Variants in VPS41 observed in about 807,000 individuals in gnomAD.
The protein encoded by VPS41 is VPS41 subunit of HOPS complex.
A neutral mutation model predicts 130.9 loss-of-function variants in VPS41; 85 were observed. The observed-to-expected ratio is 0.65, with a 90% CI of 0.55 to 0.78. The LOEUF (loss-of-function observed/expected upper bound fraction) is 0.78. Among genes scored for constraint, VPS41 ranks in the 30% least tolerant of loss-of-function variants. The pLI is 0.00. For missense variants in VPS41, 874 were observed against 1,018.7 expected, an observed-to-expected ratio of 0.86 and a Z score of 1.93; for synonymous variants, 335 against 332.9, an observed-to-expected ratio of 1.01 and a Z score of -0.07.
intron 10 of VPS41, among the ~76,000 whole-genome samples, chr7:38,781,145 T>C (rs541158375): frequency 6.6e-6 from 1 of 152,300 alleles, no homozygotes; most frequent in Non-Finnish European, 1.5e-5. Flanking sequence ...TACACCACGA[T>C]AAAGAGTTCA....
At chr7:38,757,773 ACTT>A (rs1427819460) in intron 18 of VPS41, among the ~76,000 whole-genome samples, 1 of 152,152 alleles carries the variant, frequency 6.6e-6, no homozygotes, top group Non-Finnish European at 1.5e-5. Flanking sequence ...CCTGCAGTAT[ACTT>A]CTTGTTTCCC....
intron 2 of VPS41, among the ~76,000 whole-genome samples, chr7:38,887,140 C>T (rs1786751037): frequency 6.6e-6 from 1 of 152,172 alleles, no homozygotes; most frequent in Non-Finnish European, 1.5e-5. Context: ...GAACACAACT[C>T]CTCGCCAGCA....
Position 38,909,157 on chromosome 7 carries a change from C to G in VPS41, c.18G>C (p.Glu6Asp). 1 of 1,614,248 alleles carries G rather than the reference C, an allele frequency of 6.2e-7. No individual in the cohort carries two copies. The highest frequency in any genetic ancestry group is 1.3e-5 in the African/African-American group (1 of 75,072). ...AACTACCACCTGCACCCTTTACCTGCTCCTCTGCTTCCGCCATGGCGCCAC... is the reference window on the plus strand; with the variant it reads ...AACTACCACCTGCACCCTTTACCTGGTCCTCTGCTTCCGCCATGGCGCCAC... Reference protein sequence around the residue: MAEAEEQETGSLEEST... With the variant: MAEAEDQETGSLEEST... Residue 6 changes from glutamate (E) to aspartate (D), a missense_variant, in exon 1 of 29, where the codon GAG becomes GAC. By Grantham distance (45) the Glu-to-Asp change is conservative. Coordinates refer to ENST00000310301, the MANE Select transcript of VPS41 (RefSeq NM_014396.4).
intron 7 of VPS41, among the ~76,000 whole-genome samples, chr7:38,812,821 A>C (rs1784971440): frequency 6.6e-6 from 1 of 152,186 alleles, no homozygotes; most frequent in Admixed American, 6.5e-5. Flanking sequence ...AGAAAGTCAA[A>C]ACCACAATGA....
intron 1 of VPS41, among the ~76,000 whole-genome samples, chr7:38,901,165 A>AC (rs1279511161): frequency 6.6e-5 from 10 of 152,248 alleles, no homozygotes; most frequent in African/African-American, 2.4e-4. Flanking sequence ...CCACTTATAT[A>AC]ACACAGAAGT....
In VPS41 at chr7:38,745,573, G is replaced by T; in HGVS notation, c.1967C>A (p.Thr656Lys). The T allele has an allele frequency of 6.2e-7, 1 of 1,609,040 alleles. No individual in the cohort carries two copies. The highest frequency in any genetic ancestry group is 8.5e-7 in the Non-Finnish European group (1 of 1,178,450). ...ICQQRNFVEE[T>K]VYLLSRMGNS... ...AAGCTACTTACTCAGAAGATAAACTGTCTCTTCTACAAAGTTTCTCTGTTG... is the reference window on the plus strand; with the variant it reads ...AAGCTACTTACTCAGAAGATAAACTTTCTCTTCTACAAAGTTTCTCTGTTG... Residue 656 changes from threonine (T) to lysine (K), a missense_variant, in exon 23 of 29, where the codon ACA becomes AAA. By Grantham distance (78) the Thr-to-Lys change is moderately conservative (BLOSUM62 -1). Transcript: ENST00000310301.
At chr7:38,791,494 CA>C (rs1350050916) in intron 9 of VPS41, among the ~76,000 whole-genome samples, 2 of 152,136 alleles carry the variant, frequency 1.3e-5, no homozygotes, top group East Asian at 3.9e-4. Flanking sequence ...GGGGGAGACA[CA>C]AAAATAAGGC....
intron 6 of VPS41, among the ~76,000 whole-genome samples, chr7:38,820,853 A>T (rs1311646326): frequency 6.6e-6 from 1 of 152,190 alleles, no homozygotes; most frequent in Non-Finnish European, 1.5e-5. Context: ...ACTGACAAGA[A>T]CAGCTAAAAG....
rs138089178 is a variant in VPS41, at chr7:38,789,882, C to T, written c.718-15G>A. On this transcript the variant is annotated splice_polypyrimidine_tract_variant and intron_variant, in intron 9 of 28. Coordinates refer to ENST00000310301, the MANE Select transcript of VPS41 (RefSeq NM_014396.4). ...ACTGAGCACACCTGGAAAATAAGTT[C>T]GCAGGTTATTTTATTCATTTGATGG... 7,289 of 1,612,766 alleles carry T rather than the reference C, an allele frequency of 4.5e-3. 28 individuals are homozygous for T. The highest frequency in any genetic ancestry group is 5.5e-3 in the Non-Finnish European group (6,513 of 1,179,096).
At chr7:38,853,363 G>A (rs1042647016) in intron 4 of VPS41, among the ~76,000 whole-genome samples, 13 of 144,866 alleles carry the variant, frequency 9.0e-5, no homozygotes, top group African/African-American at 3.4e-4. Context: ...AGCTTGCAGT[G>A]AGCTGAGATT....
chr7:38,881,378 C>A (rs1786602970), intron 2 of VPS41, among the ~76,000 whole-genome samples: 1 of 152,214 alleles, frequency 6.6e-6, no homozygotes, highest in African/African-American at 2.4e-5. Context: ...TAGGATTATA[C>A]TGGCCCTGTC....
At chr7:38,775,005 G>C (rs77287754) in intron 11 of VPS41, among the ~76,000 whole-genome samples, 2 of 152,148 alleles carry the variant, frequency 1.3e-5, no homozygotes, top group African/African-American at 4.8e-5. Context: ...ATGAAAACAG[G>C]GCAATGCAGA....
At chr7:38,772,394 T>C in intron 13 of VPS41, 128 bp downstream of exon 13, 1 of 604,484 alleles carries the variant, frequency 1.7e-6, no homozygotes, top group Non-Finnish European at 2.8e-6. Flanking sequence ...AGTTATTAAC[T>C]TCCTACATAT....
At chr7:38,728,079 T>C (rs1038598919) in intron 27 of VPS41, among the ~76,000 whole-genome samples, 7 of 152,200 alleles carry the variant, frequency 4.6e-5, no homozygotes, top group Non-Finnish European at 8.8e-5. Context: ...ATGCTACCTA[T>C]AAATTTTTTT....
chr7:38,764,482 G>C (rs1301842873), intron 16 of VPS41, among the ~76,000 whole-genome samples: 1 of 152,126 alleles, frequency 6.6e-6, no homozygotes, highest in East Asian at 1.9e-4. Context: ...AGGGAAGTGA[G>C]AGTCCAGACT....
chr7:38,743,216 T>C (rs1265205929), intron 24 of VPS41, among the ~76,000 whole-genome samples, 186 bp downstream of exon 24: 2 of 152,226 alleles, frequency 1.3e-5, no homozygotes, highest in Non-Finnish European at 2.9e-5. Flanking sequence ...TGCAAAGTGA[T>C]GAGGCTCCAG....
chr7:38,752,192 T>A lies in VPS41; in HGVS notation c.1910A>T (p.His637Leu). The stretch of plus-strand genomic sequence containing the variant: ...GTGCCTTACCTTTTCAAGTGGGCAA[T>A]GGGTACTGTCTCGGAGAAAGGGAAG... ...NLLPFLRDST[H>L]CPLEKALEIC... Residue 637 changes from histidine (H) to leucine (L), a missense_variant, in exon 22 of 29, where the codon CAT becomes CTT. Physicochemically the swap from His to Leu is moderately conservative, Grantham distance 99 (BLOSUM62 -3). Transcript: ENST00000310301. 6.2e-7 allele frequency: 1 copy of A among 1,613,876 alleles called. No individual in the cohort carries two copies. The highest frequency in any genetic ancestry group is 1.3e-5 in the African/African-American group (1 of 75,012).
intron 25 of VPS41, among the ~76,000 whole-genome samples, chr7:38,734,992 G>T (rs547208999): frequency 6.6e-6 from 1 of 152,136 alleles, no homozygotes; most frequent in African/African-American, 2.4e-5. Flanking sequence ...AGAGAAATAC[G>T]AAGGGAAAGA....
At chr7:38,878,882 C>T (rs1051255799) in intron 2 of VPS41, among the ~76,000 whole-genome samples, 3 of 152,186 alleles carry the variant, frequency 2.0e-5, no homozygotes, top group East Asian at 1.9e-4. Context: ...CAGGAAACAA[C>T]GCACAGGTGC....
Sources: gnomAD v4.1 joint callset for allele counts (sites outside exome capture counted in the v4.1 genomes callset) on GRCh38, gnomAD v4.1.1 for gene constraint, MANE v1.5 for transcripts, NCBI Gene and HGNC (gene_info 2026-07-23, HGNC 2026-07-21) for gene names.